CP: variants seen among roughly 807,000 people sequenced by gnomAD.
CP encodes ceruloplasmin.
Under a neutral mutation model 122.4 loss-of-function variants are expected in CP, and 64 were observed. The ratio of observed to expected loss-of-function variants is 0.52; its 90% CI spans 0.43 to 0.64. The LOEUF (loss-of-function observed/expected upper bound fraction) is 0.64, where lower values mean the gene tolerates loss of function less well. Ranked by LOEUF, CP falls within the 30% of genes least tolerant of loss-of-function variation. The pLI is 0.00. For missense variants in CP, 1,167 were observed against 1,284.4 expected (o/e 0.91, Z 1.40); for synonymous variants, 440 against 436.4 (o/e 1.01, Z -0.10).
At chr3:149,181,620 T>C (rs1331450535) in intron 14 of CP, among the ~76,000 whole-genome samples, 2 of 152,158 alleles carry the variant, frequency 1.3e-5, no homozygotes, top group African/African-American at 4.8e-5. Context: ...AGGGGGAATT[T>C]AGAGTTCCAA....
intron 14 of CP, among the ~76,000 whole-genome samples, chr3:149,181,005 C>G (rs953953817): frequency 2.0e-5 from 3 of 151,356 alleles, no homozygotes; most frequent in Non-Finnish European, 4.4e-5. Flanking sequence ...TTCCAAATCT[C>G]GATGATGATG....
Position 149,186,641 on chromosome 3 carries a change from C to T in CP, c.1956G>A (p.Glu652=). ...VVWYLFSAGN[E]ADVHGIYFSG... ...AAAAGTATATTCCATGTACATCGGC[C>T]TCATTTCCGGCGCTGAATAAGTACC... is the stretch of plus-strand genomic sequence containing the variant. Residue 652 remains glutamate, a synonymous_variant, in exon 11 of 19, where the codon GAG becomes GAA. Transcript: ENST00000264613. The T allele has an allele frequency of 5.0e-6, 8 of 1,614,182 alleles. No homozygotes were observed. Among genetic ancestry groups the T allele is most frequent in the South Asian group, 1.1e-5 (1 of 91,082 alleles).
chr3:149,182,925 C>T (rs35378125), intron 13 of CP, among the ~76,000 whole-genome samples: 7,911 of 151,998 alleles, frequency 0.052, 680 homozygotes, highest in African/African-American at 0.18. Flanking sequence ...CTGAGGTGGG[C>T]GGATCACTTG....
At chr3:149,178,067 T>C in intron 16 of CP, 88 bp from the exon 17 acceptor site, 1 of 1,260,092 alleles carries the variant, frequency 7.9e-7, no homozygotes, top group Non-Finnish European at 1.2e-6. Flanking sequence ...TAGGTTAATG[T>C]AAAGAATCTT....
At chr3:149,183,173 T>C (rs1725898322) in intron 13 of CP, among the ~76,000 whole-genome samples, 1 of 152,050 alleles carries the variant, frequency 6.6e-6, no homozygotes, top group South Asian at 2.1e-4. Flanking sequence ...CATTAGAAAA[T>C]AGTTTCTGGG....
intron 18 of CP, among the ~76,000 whole-genome samples, chr3:149,175,173 T>C (rs1290404347): frequency 1.3e-5 from 2 of 152,148 alleles, no homozygotes. Flanking sequence ...TGCAACCACA[T>C]GTAACCACAT....
At chr3:149,165,735 T>C (rs1456135157) in intron 5 of CP, among the ~76,000 whole-genome samples, 1 of 152,198 alleles carries the variant, frequency 6.6e-6, no homozygotes, top group Non-Finnish European at 1.5e-5. Context: ...CATAATTTGG[T>C]ACACATGCTT....
chr3:149,195,072 T>A (rs1198405019), intron 9 of CP, among the ~76,000 whole-genome samples: 5 of 152,238 alleles, frequency 3.3e-5, no homozygotes, highest in African/African-American at 1.2e-4. Context: ...TTAGCTTTTT[T>A]GTGGGTAACT....
At chr3:149,218,984 T>A (rs1274129109) in intron 1 of CP, among the ~76,000 whole-genome samples, 1 of 152,354 alleles carries the variant, frequency 6.6e-6, no homozygotes, top group Non-Finnish European at 1.5e-5. Context: ...TGTCTTGTGA[T>A]ACTCCATCAT....
rs750615496 is a variant in CP at position 149,163,889 on chromosome 3, C to T, written c.*14-1014G>A. ...GCTTAATTTATCCATGGGTTCACGTCGTAATATCATCTGATTCTTTAGCTG... is the reference window on the plus strand; with the variant it reads ...GCTTAATTTATCCATGGGTTCACGTTGTAATATCATCTGATTCTTTAGCTG... On this transcript the variant is annotated intron_variant, in intron 5 of 5. Transcript: ENST00000479771. The T allele has an allele frequency of 3.8e-6, 6 of 1,585,996 alleles. No individual in the cohort carries two copies. The highest frequency in any genetic ancestry group is 5.2e-6 in the Non-Finnish European group (6 of 1,154,662).
downstream of CP, among the ~76,000 whole-genome samples, chr3:149,171,426 T>TCAAA (rs142462839): frequency 0.36 from 54,195 of 151,812 alleles, 10,204 homozygotes; most frequent in African/African-American, 0.47. Context: ...TCTTATCCTA[T>TCAAA]CAATCTTTAT....
At chr3:149,182,717 C>A (rs1423279005) in intron 13 of CP, among the ~76,000 whole-genome samples, 1 of 152,128 alleles carries the variant, frequency 6.6e-6, no homozygotes, top group African/African-American at 2.4e-5. Flanking sequence ...TGCGTGGTAT[C>A]ATTTTTTCTT....
At chr3:149,187,195 T>C (rs1286546520) in intron 10 of CP, among the ~76,000 whole-genome samples, 1 of 152,204 alleles carries the variant, frequency 6.6e-6, no homozygotes, top group African/African-American at 2.4e-5. Context: ...TTTCTTTATC[T>C]TGTGTATTTA....
intron 14 of CP, 34 bp from the exon 15 acceptor site, chr3:149,179,696 A>G (rs1166802345): frequency 2.1e-6 from 2 of 941,424 alleles, no homozygotes; most frequent in East Asian, 3.2e-5. Flanking sequence ...ATCTGGTTGT[A>G]TTTGGTTTAT....
In CP at chr3:149,221,799, C is replaced by T. The variant is rs1179069488; in HGVS notation, c.-7G>A. On this transcript the variant is annotated 5_prime_UTR_variant, in exon 1 of 19. Transcript: ENST00000264613. ...CAAGTATCAAAATCTTCATTTTTTT[C>T]CCCTTCTTGGAGCCTGAGAAGAAAT... The T allele has an allele frequency of 1.2e-6, 2 of 1,608,900 alleles. No individual in the cohort carries two copies. Among genetic ancestry groups the T allele is most frequent in the South Asian group, 1.1e-5 (1 of 90,954 alleles).
intron 8 of CP, among the ~76,000 whole-genome samples, 177 bp downstream of exon 8, chr3:149,199,535 G>A (rs896630817): frequency 2.6e-5 from 4 of 152,158 alleles, no homozygotes. Flanking sequence ...ACAAAATTCC[G>A]TAAACCAATT....
chr3:149,199,022 G>A (rs1033885066), intron 8 of CP, among the ~76,000 whole-genome samples: 1 of 152,128 alleles, frequency 6.6e-6, no homozygotes, highest in Admixed American at 6.5e-5. Flanking sequence ...AACTTTGCAG[G>A]TGATCCTATT....
intron 15 of CP, 86 bp downstream of exon 15, chr3:149,179,470 G>A (rs373207584): frequency 1.0e-6 from 1 of 997,802 alleles, no homozygotes; most frequent in Non-Finnish European, 1.6e-6. Flanking sequence ...ACGTAGAATT[G>A]GACCACAGGA....
chr3:149,202,605 C>CTTTTTTTTT (rs34873592), intron 6 of CP, among the ~76,000 whole-genome samples: 1 of 106,814 alleles, frequency 9.4e-6, no homozygotes, highest in East Asian at 3.1e-4. Flanking sequence ...TGTTGTTTGT[C>CTTTTTTTTT]TTTTTTTTTT....
Sources: allele counts gnomAD v4.1 joint callset (sites outside exome capture counted in the v4.1 genomes callset), GRCh38; gene constraint gnomAD v4.1.1; transcripts MANE v1.5; gene names NCBI Gene and HGNC (gene_info 2026-07-23, HGNC 2026-07-21).